The following SIPA1L1 variants were observed in gnomAD, a reference collection of about 807,000 sequenced individuals.
The protein encoded by SIPA1L1 is signal-induced proliferation-associated 1-like protein 1.
Under a neutral mutation model 162.7 loss-of-function variants are expected in SIPA1L1, and 26 were observed. The observed-to-expected ratio is 0.16, with a 90% CI of 0.12 to 0.22. The LOEUF is 0.22. Ranked by LOEUF, SIPA1L1 falls within the 10% of genes least tolerant of loss-of-function variation. SIPA1L1 has a pLI of 1.00. For missense variants in SIPA1L1, 1,874 were observed against 2,241.0 expected, an observed-to-expected ratio of 0.84 and a Z score of 3.31; for synonymous variants, 829 against 837.4, an observed-to-expected ratio of 0.99 and a Z score of 0.17.
At chr14:71,565,446 T>A (rs1373699803) in intron 4 of SIPA1L1, among the ~76,000 whole-genome samples, 1 of 152,230 alleles carries the variant, frequency 6.6e-6, no homozygotes, top group Non-Finnish European at 1.5e-5. Context: ...GGTTCCACCT[T>A]CCATGAATTT....
At chr14:71,703,324 A>G (rs1421143254) in intron 15 of SIPA1L1, among the ~76,000 whole-genome samples, 1 of 152,202 alleles carries the variant, frequency 6.6e-6, no homozygotes, top group Non-Finnish European at 1.5e-5. Context: ...ATCTTATAAG[A>G]CAAGACCCAT....
At chr14:71,738,937 G>A (rs950846001) in intron 23 of SIPA1L1, 81 bp from the exon 24 acceptor site, 12 of 1,458,838 alleles carry the variant, frequency 8.2e-6, no homozygotes, top group Non-Finnish European at 1.1e-5. Flanking sequence ...AGATCAAAAC[G>A]GGTCCATAGC....
chr14:71,702,275 A>T (rs2082145604), intron 14 of SIPA1L1, 106 bp from the exon 15 acceptor site: 1 of 1,234,226 alleles, frequency 8.1e-7, no homozygotes, highest in African/African-American at 1.5e-5. Flanking sequence ...ATAAGCAAAA[A>T]CCAGTAGTGC....
intron 4 of SIPA1L1, among the ~76,000 whole-genome samples, chr14:71,531,300 CTT>C (rs1010740895): frequency 7.1e-6 from 1 of 141,398 alleles, no homozygotes; most frequent in Non-Finnish European, 1.5e-5. Context: ...AAATTTACTT[CTT>C]TTTTTTTTTT....
intron 2 of SIPA1L1, among the ~76,000 whole-genome samples, chr14:71,446,589 A>C (rs1206713682): frequency 5.3e-5 from 8 of 152,116 alleles, no homozygotes; most frequent in Non-Finnish European, 1.2e-4. Flanking sequence ...AGAAAGAAAG[A>C]ATTTACTATT....
chr14:71,365,556 T>A (rs2038206592), intron 2 of SIPA1L1, among the ~76,000 whole-genome samples: 1 of 152,134 alleles, frequency 6.6e-6, no homozygotes, highest in Non-Finnish European at 1.5e-5. Flanking sequence ...CTTCTCTCTA[T>A]CCCAGTGGAG....
rs1180852597 is a variant in SIPA1L1 at position 71,610,136 on chromosome 14, C to G, written c.1499-8621C>G. Among the ~76,000 whole-genome samples, 3 of 152,098 alleles carry G rather than the reference C, an allele frequency of 2.0e-5. No homozygotes were observed. In the East Asian group the frequency reaches 5.8e-4, roughly 29 times the overall value. Reference sequence around the variant, plus strand: ...TTAATGTAATATTAAACTGTGATTTCTATTGGTGTCAAAGTCACATGTACA... The same window carrying G: ...TTAATGTAATATTAAACTGTGATTTGTATTGGTGTCAAAGTCACATGTACA... On this transcript the variant is annotated intron_variant, in intron 5 of 23. Coordinates refer to ENST00000381232, the MANE Select transcript of SIPA1L1 (RefSeq NM_001386936.1).
intron 6 of SIPA1L1, among the ~76,000 whole-genome samples, chr14:71,623,387 C>G: frequency 6.6e-6 from 1 of 152,150 alleles, no homozygotes; most frequent in East Asian, 1.9e-4. Flanking sequence ...GTTAACTTTT[C>G]TCTGAAAACA....
chr14:71,341,698 C>G (rs1049133086), intron 2 of SIPA1L1, among the ~76,000 whole-genome samples: 2 of 152,110 alleles, frequency 1.3e-5, no homozygotes, highest in African/African-American at 4.8e-5. Flanking sequence ...TATTGCCATT[C>G]TTATGTCCGT....
chr14:71,469,956 T>C (rs2047323145), intron 2 of SIPA1L1, among the ~76,000 whole-genome samples: 1 of 152,160 alleles, frequency 6.6e-6, no homozygotes, highest in Non-Finnish European at 1.5e-5. Context: ...TTCTGCAGCC[T>C]TGCCAGTCCT....
intron 22 of SIPA1L1, 76 bp downstream of exon 22, chr14:71,735,467 A>G (rs2085201396): frequency 9.7e-7 from 1 of 1,032,096 alleles, no homozygotes; most frequent in African/African-American, 1.6e-5. Context: ...GGGAGAAGAG[A>G]TGGAAGCCAC....
chr14:71,654,023 C>T (rs1332888513), intron 8 of SIPA1L1, among the ~76,000 whole-genome samples: 1 of 152,192 alleles, frequency 6.6e-6, no homozygotes, highest in African/African-American at 2.4e-5. Flanking sequence ...CTTGAGCTAA[C>T]AGTACTCAAA....
chr14:71,456,784 AAATAT>A (rs1422571165), intron 2 of SIPA1L1, among the ~76,000 whole-genome samples: 1 of 152,204 alleles, frequency 6.6e-6, no homozygotes, highest in East Asian at 1.9e-4. Flanking sequence ...TTTTAAAATA[AAATAT>A]ATTTTTCTTC....
intron 7 of SIPA1L1, among the ~76,000 whole-genome samples, chr14:71,645,127 T>G (rs2042048988): frequency 6.6e-6 from 1 of 152,220 alleles, no homozygotes; most frequent in African/African-American, 2.4e-5. Context: ...CCTTCCTCCA[T>G]CTCCAAAGCC....
rs1043024886 is a variant in SIPA1L1, at chr14:71,330,002, C to A, written c.-465+8821C>A. Among the ~76,000 whole-genome samples, 9 of 152,234 alleles carry A rather than the reference C, an allele frequency of 5.9e-5. No individual in the cohort carries two copies. The East Asian group carries it at 9.6e-4, about 16-fold the overall frequency. On this transcript the variant is annotated intron_variant, in intron 2 of 23. Coordinates refer to ENST00000381232, the MANE Select transcript of SIPA1L1 (RefSeq NM_001386936.1). The stretch of plus-strand genomic sequence containing the variant: ...CCAGGCCAGTCAGATAGAAAATCCC[C>A]AAGATTCTTTTGGCGACTGATTTCT...
intron 2 of SIPA1L1, among the ~76,000 whole-genome samples, chr14:71,363,359 A>G (rs1010598591): frequency 2.6e-5 from 4 of 152,228 alleles, no homozygotes; most frequent in African/African-American, 4.8e-5. Flanking sequence ...AAAGGGAACT[A>G]TGCCAAACAA....
chr14:71,709,453 C>A lies in SIPA1L1; in HGVS notation c.3997C>A (p.Pro1333Thr), dbSNP rs1251532461. 6 of 1,614,204 alleles carry A rather than the reference C, an allele frequency of 3.7e-6. No homozygotes were observed. The highest frequency in any genetic ancestry group is 5.1e-6 in the Non-Finnish European group (6 of 1,180,024). Residue 1333 changes from proline (P) to threonine (T), a missense_variant, in exon 17 of 24, where the codon CCA (proline) becomes ACA (threonine). By Grantham distance (38) the Pro-to-Thr change is conservative. Around this residue, in one of 5 missense-constraint regions of SIPA1L1, gnomAD observed 936 missense variants for 1,051.9 expected, o/e 0.89. Transcript: ENST00000381232. ...GAATSSPRSG[P>T]GKEKVAPLWH... Reference sequence around the variant, plus strand: ...TGCCACATCGTCACCTCGCTCAGGGCCAGGCAAGGAGAAAGTGGCACCCCT... The same window carrying A: ...TGCCACATCGTCACCTCGCTCAGGGACAGGCAAGGAGAAAGTGGCACCCCT...
chr14:71,345,148 C>T (rs985390081), intron 2 of SIPA1L1, among the ~76,000 whole-genome samples: 10 of 151,996 alleles, frequency 6.6e-5, no homozygotes, highest in African/African-American at 2.4e-4. Context: ...ATTTTCCTGG[C>T]GTAGTTTGCT....
rs890920598 is a variant in SIPA1L1 at position 71,740,788 on chromosome 14, C to G, written c.*1627C>G. 2 of 152,162 alleles carry G rather than the reference C, an allele frequency of 1.3e-5. No homozygotes were observed. The highest frequency in any genetic ancestry group is 4.8e-5 in the African/African-American group (2 of 41,422). 9.4% of individuals were successfully genotyped at this position (152,162 alleles called of 1,614,324 possible). The stretch of plus-strand genomic sequence containing the variant: ...TTGTGAAGATTTCAATTGTCTGTCT[C>G]TTTCTCTCTTTGACTTGTATGAAGG... On this transcript the variant is annotated 3_prime_UTR_variant, in exon 24 of 24. Transcript: ENST00000381232.
Sources: allele counts gnomAD v4.1 joint callset (sites outside exome capture counted in the v4.1 genomes callset), GRCh38; gene constraint gnomAD v4.1.1; regional missense constraint gnomAD v4.1.1; transcripts MANE v1.5; gene names NCBI Gene and HGNC (gene_info 2026-07-23, HGNC 2026-07-21).